Variants in AMOTL1 observed in about 807,000 individuals in gnomAD.
AMOTL1 encodes the protein angiomotin-like protein 1.
Under a neutral mutation model 102.9 loss-of-function variants are expected in AMOTL1, and 45 were observed. That is an observed-to-expected ratio of 0.44 (90% CI 0.34 to 0.56). The LOEUF (loss-of-function observed/expected upper bound fraction) is 0.56, where lower values mean the gene tolerates loss of function less well. Ranked by LOEUF, AMOTL1 falls within the 20% of genes least tolerant of loss-of-function variation. The pLI is 0.01. For synonymous variants in AMOTL1, 481 were observed against 484.7 expected, an observed-to-expected ratio of 0.99 and a Z score of 0.10; for missense variants, 1,114 against 1,225.6, an observed-to-expected ratio of 0.91 and a Z score of 1.36.
chr11:94,745,859 G>A (rs1361273386), intron 3 of AMOTL1, among the ~76,000 whole-genome samples: 3 of 152,072 alleles, frequency 2.0e-5, no homozygotes, highest in Non-Finnish European at 4.4e-5. Context: ...TTTTATTTCT[G>A]GAAGCTTCTC....
intron 3 of AMOTL1, among the ~76,000 whole-genome samples, chr11:94,800,781 A>G (rs955377915): frequency 2.0e-5 from 3 of 152,214 alleles, no homozygotes; most frequent in Non-Finnish European, 2.9e-5. Flanking sequence ...ACAGATGAGA[A>G]ACTAAAGCCT....
chr11:94,810,670 T>C (rs1951662087), intron 3 of AMOTL1, among the ~76,000 whole-genome samples: 1 of 152,072 alleles, frequency 6.6e-6, no homozygotes, highest in Non-Finnish European at 1.5e-5. Flanking sequence ...TAAGGAATCC[T>C]GGGCTATTAG....
chr11:94,757,067 A>G (rs1003813747), intron 3 of AMOTL1, among the ~76,000 whole-genome samples: 3 of 150,286 alleles, frequency 2.0e-5, no homozygotes, highest in African/African-American at 7.4e-5. Context: ...GGGGATGGGG[A>G]GCTCAAATCA....
intron 1 of AMOTL1, among the ~76,000 whole-genome samples, chr11:94,781,116 C>CT (rs1055923653): frequency 1.3e-5 from 2 of 151,968 alleles, no homozygotes; most frequent in African/African-American, 4.8e-5. Flanking sequence ...CTCATGGAGC[C>CT]TTTTTTTCCC....
Position 94,740,989 on chromosome 11 carries a change from G to GT in AMOTL1, c.136+2dup, listed in dbSNP as rs1265149662. ...GCATCCTACAGCCCAGACGAGTTAG[G>GT]TAAGTCTGCTCATTTTGTCTTTTAT... On this transcript the variant is annotated splice_donor_variant, in intron 3 of 4. Coordinates refer to the AMOTL1 transcript ENST00000299004. LOFTEE classifies it high-confidence loss of function. 2.3e-6 allele frequency: 3 copies of GT among 1,288,908 alleles called. No individual in the cohort carries two copies. Among genetic ancestry groups the GT allele is most frequent in the Admixed American group, 2.3e-5 (1 of 43,550 alleles). 79.8% of individuals were successfully genotyped at this position (1,288,908 alleles called of 1,614,324 possible).
chr11:94,799,468 C>G lies in AMOTL1; in HGVS notation c.278C>G (p.Ala93Gly), dbSNP rs773678862. Residue 93 changes from alanine (A) to glycine (G), a missense_variant, in exon 3 of 13, where the codon GCG becomes GGG. Ala to Gly is a moderately conservative substitution (Grantham distance 60, BLOSUM62 0). Transcript: ENST00000433060. The surrounding 1 kb of genome is among the most constrained non-coding windows in gnomAD (Gnocchi z 4.5). The part of the protein sequence containing the change: ...SEVEMRGSED[A>G]AAGTVLQRLI... ...GTGGAAATGAGAGGTTCCGAGGATG[C>G]GGCAGCTGGAACAGTATTGCAGCGG... 89 of 1,609,070 alleles carry G rather than the reference C, an allele frequency of 5.5e-5. No individual in the cohort carries two copies. The highest frequency in any genetic ancestry group is 3.6e-5 in the Non-Finnish European group (42 of 1,177,734).
chr11:94,819,813 C>T (rs536627810), intron 3 of AMOTL1, among the ~76,000 whole-genome samples: 1 of 152,302 alleles, frequency 6.6e-6, no homozygotes, highest in South Asian at 2.1e-4. Context: ...GTCTCAGATA[C>T]TTTTTGGTTC....
At chr11:94,837,127 A>G (rs1231617938) in intron 6 of AMOTL1, among the ~76,000 whole-genome samples, 6 of 152,218 alleles carry the variant, frequency 3.9e-5, no homozygotes, top group African/African-American at 1.4e-4. Context: ...AGGACTATGC[A>G]GTTCTAAAAA....
At chr11:94,755,851 T>TTG in intron 3 of AMOTL1, among the ~76,000 whole-genome samples, 1 of 152,296 alleles carries the variant, frequency 6.6e-6, no homozygotes. Flanking sequence ...AGGCCGCTTG[T>TTG]GTTCATCAGC....
intron 2 of AMOTL1, among the ~76,000 whole-genome samples, chr11:94,738,723 A>G (rs1375690325): frequency 6.6e-6 from 1 of 152,234 alleles, no homozygotes; most frequent in African/African-American, 2.4e-5. Flanking sequence ...ACTGGAAACT[A>G]AAGTCCATAA....
chr11:94,798,526 C>T (rs1316245737), intron 2 of AMOTL1, among the ~76,000 whole-genome samples: 2 of 152,030 alleles, frequency 1.3e-5, no homozygotes, highest in Admixed American at 6.5e-5. Context: ...GTATTTTGGG[C>T]GAGGAAGACA....
intron 3 of AMOTL1, among the ~76,000 whole-genome samples, chr11:94,754,328 G>A (rs2851573): frequency 0.84 from 128,218 of 152,082 alleles, 56,248 homozygotes; most frequent in Non-Finnish European, 0.99. Flanking sequence ...AACAGCTGGC[G>A]GCAGCCATTG....
At chr11:94,817,771 A>C (rs1234340693) in intron 3 of AMOTL1, among the ~76,000 whole-genome samples, 1 of 152,208 alleles carries the variant, frequency 6.6e-6, no homozygotes, top group Admixed American at 6.5e-5. Flanking sequence ...CTGTGACACT[A>C]GAATAGAGGA....
intron 1 of AMOTL1, among the ~76,000 whole-genome samples, chr11:94,708,441 T>C (rs192719146): frequency 6.6e-6 from 1 of 152,198 alleles, no homozygotes; most frequent in Non-Finnish European, 1.5e-5. Context: ...TCCCAGCTTC[T>C]CCACCTCCCG....
intron 1 of AMOTL1, among the ~76,000 whole-genome samples, chr11:94,771,573 G>A (rs1489304983): frequency 6.6e-6 from 1 of 152,022 alleles, no homozygotes; most frequent in Admixed American, 6.5e-5. Context: ...GCTTTGTTTT[G>A]TCTTGAAGGA....
At chr11:94,718,416 T>A (rs1256232300) in intron 1 of AMOTL1, among the ~76,000 whole-genome samples, 2 of 152,046 alleles carry the variant, frequency 1.3e-5, no homozygotes, top group East Asian at 1.9e-4. Context: ...GTAATTGCTT[T>A]CTGTAGAATA....
At chr11:94,818,569 G>T (rs1951806510) in intron 3 of AMOTL1, among the ~76,000 whole-genome samples, 1 of 152,144 alleles carries the variant, frequency 6.6e-6, no homozygotes, top group Non-Finnish European at 1.5e-5. Context: ...ACATAAATTT[G>T]TCTTGTGATT....
intron 3 of AMOTL1, among the ~76,000 whole-genome samples, chr11:94,762,066 G>A (rs1950800594): frequency 6.6e-6 from 1 of 152,168 alleles, no homozygotes. Context: ...TAGAAACTCA[G>A]TATGATTCCA....
intron 8 of AMOTL1, among the ~76,000 whole-genome samples, chr11:94,856,633 C>G (rs893944697): frequency 2.6e-5 from 4 of 152,138 alleles, no homozygotes; most frequent in African/African-American, 9.7e-5. Flanking sequence ...GCAGCAGCCT[C>G]GGGAAAGACT....
Sources: gnomAD v4.1 joint callset for allele counts (sites outside exome capture counted in the v4.1 genomes callset) on GRCh38, gnomAD v4.1.1 for gene constraint, Gnocchi (gnomAD v3.1) non-coding constraint, MANE v1.5 for transcripts, NCBI Gene and HGNC (gene_info 2026-07-23, HGNC 2026-07-21) for gene names.